The following TSEN2 variants were observed in gnomAD, a reference collection of about 807,000 sequenced individuals.
The protein encoded by TSEN2 is tRNA-splicing endonuclease subunit Sen2.
TSEN2 carries 54 observed loss-of-function variants against 59.2 expected under a neutral mutation model. That is an observed-to-expected ratio of 0.91 (90% CI 0.73 to 1.14). The LOEUF is 1.14. Among genes scored for constraint, TSEN2 ranks in the 50% most tolerant of loss-of-function variants. The pLI is 0.00. For synonymous variants in TSEN2, 195 were observed against 198.2 expected, an observed-to-expected ratio of 0.98 and a Z score of 0.14; for missense variants, 636 against 576.2, an observed-to-expected ratio of 1.10 and a Z score of -1.06.
chr3:12,495,430 A>G (rs2053653308), intron 3 of TSEN2, among the ~76,000 whole-genome samples: 1 of 152,134 alleles, frequency 6.6e-6, no homozygotes, highest in African/African-American at 2.4e-5. Context: ...GGGTTTCACC[A>G]TGTTACCCAG....
intron 9 of TSEN2, among the ~76,000 whole-genome samples, chr3:12,529,376 G>C (rs1416854005): frequency 2.0e-5 from 3 of 149,830 alleles, no homozygotes; most frequent in Non-Finnish European, 2.9e-5. Context: ...CTGAGGCAGA[G>C]AATTGCTTGA....
rs1231410948 is a variant in TSEN2, at chr3:12,519,158, T to C, written c.1060T>C (p.Trp354Arg). The C allele has an allele frequency of 6.2e-7, 1 of 1,614,272 alleles. No individual in the cohort carries two copies. The highest frequency in any genetic ancestry group is 8.5e-7 in the Non-Finnish European group (1 of 1,180,050). Residue 354 changes from tryptophan (W) to arginine (R), a missense_variant, in exon 8 of 12, where the codon TGG (tryptophan) becomes CGG (arginine). By Grantham distance (101) the Trp-to-Arg change is moderately radical (BLOSUM62 -3). Coordinates refer to ENST00000284995, the MANE Select transcript of TSEN2 (RefSeq NM_025265.4). ...MAYHYFRSKG[W>R]VPKVGLKYGT... ...CTACCATTACTTTCGAAGCAAGGGC[T>C]GGGTGCCCAAAGTGGGACTCAAGTA...
chr3:12,508,579 A>G (rs299654), intron 6 of TSEN2, among the ~76,000 whole-genome samples: 97,682 of 152,024 alleles, frequency 0.64, 33,994 homozygotes, highest in African/African-American at 0.91. Context: ...ATACACAGCT[A>G]ACTTAGAAGT....
intron 10 of TSEN2, chr3:12,530,314 C>G (rs2057381974): frequency 1.0e-6 from 1 of 989,954 alleles, no homozygotes; most frequent in Non-Finnish European, 1.2e-6. Context: ...CTTTCCCACC[C>G]TGTTGTTATC....
Position 12,528,628 on chromosome 3 carries a change from G to A in TSEN2, c.1100-260G>A, listed in dbSNP as rs186549325. Among the ~76,000 whole-genome samples the A allele has an allele frequency of 1.9e-4, 29 of 152,328 alleles. No homozygotes were observed. The East Asian group carries it at 5.4e-3, about 28-fold the overall frequency. On this transcript the variant is annotated intron_variant, in intron 8 of 11. Coordinates refer to ENST00000284995, the MANE Select transcript of TSEN2 (RefSeq NM_025265.4). ...CTGGCAACTCAGGAGGCTGAGTGTGGAGGATTGCTTGAGCCCAAGAGGGCA... is the reference window on the plus strand; with the variant it reads ...CTGGCAACTCAGGAGGCTGAGTGTGAAGGATTGCTTGAGCCCAAGAGGGCA...
At chr3:12,501,403 C>G (rs543005148) in intron 4 of TSEN2, among the ~76,000 whole-genome samples, 3 of 152,268 alleles carry the variant, frequency 2.0e-5, no homozygotes, top group African/African-American at 7.2e-5. Flanking sequence ...GGTAGCCTTA[C>G]CAGGTGTTAA....
intron 10 of TSEN2, chr3:12,530,821 T>C: frequency 1.1e-6 from 1 of 942,264 alleles, no homozygotes; most frequent in Non-Finnish European, 1.3e-6. Flanking sequence ...TAATGTCGTA[T>C]AACAAAACCG....
intron 1 of TSEN2, among the ~76,000 whole-genome samples, chr3:12,486,471 T>C (rs933634494): frequency 6.6e-6 from 1 of 152,244 alleles, no homozygotes; most frequent in Non-Finnish European, 1.5e-5. Flanking sequence ...TTCTAGAAGC[T>C]TCACGCTGGT....
chr3:12,505,070 G>GA (rs2054669486), intron 5 of TSEN2, 84 bp from the exon 6 acceptor site: 1 of 855,040 alleles, frequency 1.2e-6, no homozygotes, highest in Non-Finnish European at 2.0e-6. Flanking sequence ...GAATTTATAA[G>GA]AAAAATGTTC....
chr3:12,524,739 C>CTTTTTTTTTTTTTTTTTTTT (rs746602626), intron 8 of TSEN2, among the ~76,000 whole-genome samples: 1 of 131,788 alleles, frequency 7.6e-6, no homozygotes, highest in Non-Finnish European at 1.6e-5. Context: ...TCTTTGGTCT[C>CTTTTTTTTTTTTTTTTTTTT]TTTTTTTTTT....
chr3:12,516,444 A>AG (rs2056114971), intron 6 of TSEN2, among the ~76,000 whole-genome samples, 167 bp from the exon 7 acceptor site: 1 of 51,566 alleles, frequency 1.9e-5, no homozygotes, highest in Non-Finnish European at 3.8e-5. Context: ...CAAACAAAAT[A>AG]TATGTGTGTG....
At chr3:12,535,076 G>A (rs2596826), downstream of TSEN2, among the ~76,000 whole-genome samples, 147,858 of 152,298 alleles carry the variant, frequency 0.97, 71,805 homozygotes, top group East Asian at 1. Flanking sequence ...TTGTTACAAC[G>A]TATTTGCTTT....
intron 6 of TSEN2, chr3:12,505,439 A>G (rs1041861894): frequency 1.3e-4 from 70 of 553,084 alleles, no homozygotes; most frequent in Admixed American, 2.5e-4. Context: ...TGTGTTTGCA[A>G]TCATTCCACA....
At position 12,532,879 on chromosome 3, in the gene TSEN2, A is replaced by G; in HGVS notation, c.*158A>G. Reference sequence around the variant, plus strand: ...CAGTGTTTTTAAAGATAAATTACACAAGGGAGGAGAAAGATCCCTGTGCTA... The same window carrying G: ...CAGTGTTTTTAAAGATAAATTACACGAGGGAGGAGAAAGATCCCTGTGCTA... On this transcript the variant is annotated 3_prime_UTR_variant, in exon 12 of 12. Transcript: ENST00000284995. The G allele has an allele frequency of 1.4e-6, 1 of 729,832 alleles. No individual in the cohort carries two copies. The highest frequency in any genetic ancestry group is 2.3e-6 in the Non-Finnish European group (1 of 427,428). The allele number at this position is 729,832 out of a possible 1,614,324, so 45.2% of individuals were successfully genotyped here. A position where few individuals can be genotyped will look rare whatever the true frequency, so the allele number is the denominator to read the frequency against.
rs370820344 is a variant in TSEN2, at chr3:12,531,576, A to C, written c.1255A>C (p.Met419Leu). The change falls in exon 11 of 12, where the codon ATG (methionine) becomes CTG (leucine). Residue 419 changes from methionine (M) to leucine (L), a missense_variant. By Grantham distance (15) the Met-to-Leu change is conservative. Coordinates refer to ENST00000284995, the MANE Select transcript of TSEN2 (RefSeq NM_025265.4). ...GTTTTTCATTTCTCAATAGGAACTTATGCTGTGCTATTTGATTAAACCCTC... is the reference window on the plus strand; with the variant it reads ...GTTTTTCATTTCTCAATAGGAACTTCTGCTGTGCTATTTGATTAAACCCTC... ...RVSVNVSKEL[M>L]LCYLIKPSTM... The C allele has an allele frequency of 6.2e-7, 1 of 1,606,194 alleles. No homozygotes were observed. Among genetic ancestry groups the C allele is most frequent in the East Asian group, 2.2e-5 (1 of 44,850 alleles).
intron 2 of TSEN2, among the ~76,000 whole-genome samples, chr3:12,491,117 A>C (rs2053171296): frequency 6.6e-6 from 1 of 152,082 alleles, no homozygotes; most frequent in African/African-American, 2.4e-5. Context: ...CAGCCTCCCG[A>C]GTAGTTGGGA....
chr3:12,524,596 A>G (rs1194415307), intron 8 of TSEN2, among the ~76,000 whole-genome samples: 2 of 152,124 alleles, frequency 1.3e-5, no homozygotes, highest in Non-Finnish European at 2.9e-5. Flanking sequence ...TCTCATCTCA[A>G]AATTCTAAAC....
At chr3:12,518,167 C>T (rs1293736462) in intron 7 of TSEN2, among the ~76,000 whole-genome samples, 9 of 152,186 alleles carry the variant, frequency 5.9e-5, no homozygotes, top group Admixed American at 1.3e-4. Flanking sequence ...TTCTCTTTGA[C>T]TCCCACATTA....
intron 8 of TSEN2, among the ~76,000 whole-genome samples, chr3:12,523,159 G>A (rs953517657): frequency 4.6e-5 from 7 of 152,098 alleles, no homozygotes; most frequent in Non-Finnish European, 8.8e-5. Flanking sequence ...CCAAGAAGCC[G>A]AAAACTAACG....
Sources: allele counts gnomAD v4.1 joint callset (sites outside exome capture counted in the v4.1 genomes callset), GRCh38; gene constraint gnomAD v4.1.1; transcripts MANE v1.5; gene names NCBI Gene and HGNC (gene_info 2026-07-23, HGNC 2026-07-21).